ST6GALNAC3: variants seen among roughly 807,000 people sequenced by gnomAD.
ST6GALNAC3 encodes alpha-N-acetylgalactosaminide alpha-2,6-sialyltransferase 3.
A neutral mutation model predicts 32.7 loss-of-function variants in ST6GALNAC3; 25 were observed. The ratio of observed to expected loss-of-function variants is 0.76; its 90% CI spans 0.56 to 1.07. The LOEUF (loss-of-function observed/expected upper bound fraction) is 1.07, where lower values mean the gene tolerates loss of function less well. Among genes scored for constraint, ST6GALNAC3 ranks in the 50% least tolerant of loss-of-function variants. The pLI is 0.00. For synonymous variants in ST6GALNAC3, 129 were observed against 133.1 expected (o/e 0.97, Z 0.21); for missense variants, 355 against 382.4 (o/e 0.93, Z 0.60).
At chr1:76,256,042 A>ACACACAC in intron 1 of ST6GALNAC3, among the ~76,000 whole-genome samples, 2 of 151,602 alleles carry the variant, frequency 1.3e-5, no homozygotes, top group Admixed American at 6.6e-5. Flanking sequence ...ACACACACAC[A>ACACACAC]ATTAGGAAAA....
chr1:76,293,943 T>C (rs1660241624), intron 1 of ST6GALNAC3, among the ~76,000 whole-genome samples: 1 of 152,272 alleles, frequency 6.6e-6, no homozygotes, highest in East Asian at 1.9e-4. Flanking sequence ...GATTCTTTAC[T>C]GGTCAATGAA....
intron 3 of ST6GALNAC3, among the ~76,000 whole-genome samples, chr1:76,471,022 T>C (rs1474087901): frequency 6.6e-6 from 1 of 152,176 alleles, no homozygotes; most frequent in African/African-American, 2.4e-5. Context: ...GTGGTCAATT[T>C]TTCTTACGTC....
chr1:76,406,743 T>G (rs1438554516), intron 2 of ST6GALNAC3, among the ~76,000 whole-genome samples: 3 of 152,014 alleles, frequency 2.0e-5, no homozygotes, highest in Non-Finnish European at 4.4e-5. Flanking sequence ...TTCTTTGATA[T>G]TCCACATTTC....
chr1:76,377,378 A>G (rs1357280925), intron 2 of ST6GALNAC3, among the ~76,000 whole-genome samples: 1 of 152,174 alleles, frequency 6.6e-6, no homozygotes, highest in Non-Finnish European at 1.5e-5. Context: ...CACAGGCTCT[A>G]CAGGAAGCAT....
Position 76,476,563 on chromosome 1 carries a change from T to G in ST6GALNAC3, c.623+64146T>G, listed in dbSNP as rs548607720. On this transcript the variant is annotated intron_variant, in intron 3 of 4. Coordinates refer to ENST00000328299, the MANE Select transcript of ST6GALNAC3 (RefSeq NM_152996.4). ...GAAATGAGACCATTGATCATTTTAT[T>G]TGATGGAATAGAACTGTTTTTCATT... 1.3e-4 allele frequency among the ~76,000 whole-genome samples: 20 copies of G among 152,310 alleles called. No homozygotes were observed. In the East Asian group the frequency reaches 3.9e-3, roughly 29 times the overall value.
intron 3 of ST6GALNAC3, among the ~76,000 whole-genome samples, chr1:76,528,070 A>G (rs1663025608): frequency 6.6e-6 from 1 of 152,148 alleles, no homozygotes; most frequent in Admixed American, 6.6e-5. Context: ...AACACAGACC[A>G]CAACATATTC....
chr1:76,303,172 A>G (rs918151880), intron 1 of ST6GALNAC3, among the ~76,000 whole-genome samples: 2 of 151,972 alleles, frequency 1.3e-5, no homozygotes, highest in African/African-American at 2.4e-5. Flanking sequence ...GCAAACGAAG[A>G]CTTGGCCCAC....
chr1:76,636,624 A>T, downstream of ST6GALNAC3, among the ~76,000 whole-genome samples: 1 of 151,470 alleles, frequency 6.6e-6, no homozygotes, highest in African/African-American at 2.4e-5. Flanking sequence ...TCTCTCCCTC[A>T]CTCTTCTTTA....
intron 1 of ST6GALNAC3, among the ~76,000 whole-genome samples, chr1:76,105,833 A>T (rs1438574999): frequency 6.6e-6 from 1 of 152,246 alleles, no homozygotes; most frequent in Non-Finnish European, 1.5e-5. Context: ...CATTTAAAAA[A>T]ATATTGTACA....
chr1:76,074,971 T>A, intron 1 of ST6GALNAC3, 87 bp downstream of exon 1: 1 of 1,493,820 alleles, frequency 6.7e-7, no homozygotes, highest in Non-Finnish European at 9.1e-7. Context: ...TCCCACCGCA[T>A]CCTCATCTCA....
Position 76,570,494 on chromosome 1 carries a change from A to G in ST6GALNAC3, c.624-56958A>G, listed in dbSNP as rs566471626. Among the ~76,000 whole-genome samples the G allele has an allele frequency of 4.2e-4, 64 of 152,126 alleles. 1 individual carries two copies. Among genetic ancestry groups the G allele is most frequent in the Non-Finnish European group, 8.2e-4 (56 of 67,976 alleles). ...AATCTCATACCTTCCTCTATTTACT[A>G]TGATAAAACTCTTCTATACTTCATA... On this transcript the variant is annotated intron_variant, in intron 3 of 4. Coordinates refer to ENST00000328299, the MANE Select transcript of ST6GALNAC3 (RefSeq NM_152996.4).
At chr1:76,283,073 C>T (rs1043544798) in intron 1 of ST6GALNAC3, among the ~76,000 whole-genome samples, 1 of 151,876 alleles carries the variant, frequency 6.6e-6, no homozygotes, top group Non-Finnish European at 1.5e-5. Context: ...TACTTTCCTC[C>T]ATGGGTTGCC....
At chr1:76,116,964 T>C (rs1648522917) in intron 1 of ST6GALNAC3, among the ~76,000 whole-genome samples, 1 of 151,860 alleles carries the variant, frequency 6.6e-6, no homozygotes, top group South Asian at 2.1e-4. Flanking sequence ...TAAAGTAAAA[T>C]CAAGCAGAGA....
chr1:76,385,795 A>T (rs543602450), intron 2 of ST6GALNAC3, among the ~76,000 whole-genome samples: 4 of 152,214 alleles, frequency 2.6e-5, no homozygotes, highest in Admixed American at 6.5e-5. Context: ...TACATTGATG[A>T]CAAGTTTGGC....
chr1:76,171,817 C>A (rs369778721), intron 1 of ST6GALNAC3, among the ~76,000 whole-genome samples: 12 of 133,068 alleles, frequency 9.0e-5, no homozygotes, highest in African/African-American at 2.6e-4. Context: ...AAAACAACAA[C>A]AAAAAAAAAA....
intron 1 of ST6GALNAC3, among the ~76,000 whole-genome samples, chr1:76,232,556 G>A (rs935306408): frequency 6.6e-6 from 1 of 152,192 alleles, no homozygotes; most frequent in Non-Finnish European, 1.5e-5. Context: ...CCCCGGAAAG[G>A]CTCCTTTGTG....
intron 3 of ST6GALNAC3, among the ~76,000 whole-genome samples, chr1:76,613,908 G>A (rs1444696315): frequency 6.6e-6 from 1 of 152,190 alleles, no homozygotes; most frequent in African/African-American, 2.4e-5. Context: ...AATACAGTAA[G>A]GCTTATGGAA....
At chr1:76,389,596 G>A (rs550488223) in intron 2 of ST6GALNAC3, among the ~76,000 whole-genome samples, 1 of 152,316 alleles carries the variant, frequency 6.6e-6, no homozygotes, top group Non-Finnish European at 1.5e-5. Context: ...TGCACGTTTA[G>A]TTTGAATGCT....
intron 3 of ST6GALNAC3, among the ~76,000 whole-genome samples, chr1:76,501,788 T>C (rs932214088): frequency 1.3e-5 from 2 of 152,206 alleles, no homozygotes; most frequent in Admixed American, 6.5e-5. Flanking sequence ...TGCTTTGGTT[T>C]GCTGTTAGAA....
Sources: allele counts gnomAD v4.1 joint callset (sites outside exome capture counted in the v4.1 genomes callset), GRCh38; gene constraint gnomAD v4.1.1; transcripts MANE v1.5; gene names NCBI Gene and HGNC (gene_info 2026-07-23, HGNC 2026-07-21).